The following ECT2 variants were observed in gnomAD, a reference collection of about 807,000 sequenced individuals.
ECT2 encodes the protein protein ECT2.
Under a neutral mutation model 116.9 loss-of-function variants are expected in ECT2, and 61 were observed. The observed-to-expected ratio is 0.52, with a 90% confidence interval of 0.42 to 0.65. ECT2 has a LOEUF of 0.65. ECT2 is among the 30% of genes least tolerant of loss of function. ECT2 has a pLI of 0.00. For synonymous variants in ECT2, 358 were observed against 346.4 expected, an observed-to-expected ratio of 1.03 and a Z score of -0.37; for missense variants, 937 against 1,078.7, an observed-to-expected ratio of 0.87 and a Z score of 1.84.
chr3:172,815,681 A>G lies in ECT2; in HGVS notation c.2478A>G (p.Ala826=). 6.2e-7 allele frequency: 1 copy of G among 1,603,702 alleles called. No individual in the cohort carries two copies. The part of the protein sequence containing the change: ...TKDMDSTLSR[A]SRAIKKTSKK... ...ATATGGACAGTACATTGAGTAGAGC[A>G]TCAAGAGCAATAAAAAAGACTTCAA... is the stretch of plus-strand genomic sequence containing the variant. Residue 826 remains alanine, a synonymous_variant, in exon 23 of 25, where the codon GCA becomes GCG. Coordinates refer to ENST00000392692, the MANE Select transcript of ECT2 (RefSeq NM_001258315.2).
chr3:172,802,336 A>T (rs1285595060), intron 18 of ECT2, among the ~76,000 whole-genome samples: 1 of 151,866 alleles, frequency 6.6e-6, no homozygotes, highest in African/African-American at 2.4e-5. Context: ...CTGGTCTCGA[A>T]CTCCTGACTT....
In ECT2 at chr3:172,783,895, C is replaced by T; in HGVS notation, c.1714C>T (p.His572Tyr). The T allele has an allele frequency of 6.3e-7, 1 of 1,586,082 alleles. No homozygotes were observed. The highest frequency in any genetic ancestry group is 8.6e-7 in the Non-Finnish European group (1 of 1,163,038). Residue 572 changes from histidine to tyrosine, a missense_variant, in exon 16 of 25, where the codon CAT becomes TAT. Coordinates refer to ENST00000392692, the MANE Select transcript of ECT2 (RefSeq NM_001258315.2). The part of the protein sequence containing the change: ...IKCEKQKPRF[H>Y]AFLKINQAKP... ...ATGTGAAAAACAGAAACCAAGATTT[C>T]ATGCTTTTCTCAAGGTAATGTGTGT...
intron 5 of ECT2, among the ~76,000 whole-genome samples, chr3:172,758,095 C>T (rs973053502): frequency 3.3e-5 from 5 of 152,010 alleles, no homozygotes; most frequent in African/African-American, 1.2e-4. Flanking sequence ...CTTGACCTCA[C>T]GTTATCTTCC....
At chr3:172,824,017 C>A (rs1730784046), downstream of ECT2, among the ~76,000 whole-genome samples, 1 of 150,162 alleles carries the variant, frequency 6.7e-6, no homozygotes, top group South Asian at 2.1e-4. Flanking sequence ...CCTTCCGCTG[C>A]TTTTCTTGAA....
At chr3:172,828,315 A>G in the ECT2 span, among the ~76,000 whole-genome samples, 1 of 139,152 alleles carries the variant, frequency 7.2e-6, no homozygotes, top group African/African-American at 3.0e-5. Flanking sequence ...CAAATAAGGC[A>G]AATAAAAATA....
chr3:172,779,990 A>AT (rs1391307770), intron 14 of ECT2, among the ~76,000 whole-genome samples: 2 of 152,072 alleles, frequency 1.3e-5, no homozygotes, highest in Non-Finnish European at 2.9e-5. Context: ...ACTCTAGGAG[A>AT]TTTTCACTAC....
intron 1 of ECT2, among the ~76,000 whole-genome samples, chr3:172,753,172 T>C (rs984620608): frequency 2.0e-5 from 3 of 152,154 alleles, no homozygotes; most frequent in African/African-American, 7.2e-5. Context: ...GGATCACAGC[T>C]CACTACAACC....
At chr3:172,807,403 T>G (rs1173986691) in intron 21 of ECT2, among the ~76,000 whole-genome samples, 1 of 152,172 alleles carries the variant, frequency 6.6e-6, no homozygotes, top group African/African-American at 2.4e-5. Flanking sequence ...AAAATCTTCA[T>G]TTTTGGATTT....
At position 172,817,423 on chromosome 3, in the gene ECT2, G is replaced by A. The variant is rs62281241; in HGVS notation, c.2655+586G>A. On this transcript the variant is annotated intron_variant, in intron 24 of 24. Coordinates refer to ENST00000392692, the MANE Select transcript of ECT2 (RefSeq NM_001258315.2). ...TTCTAAAATCTCTGAGAAAAGAAAC[G>A]CGTTTCAATCTGGCCTGTCACTTTA... is the stretch of plus-strand genomic sequence containing the variant. 4.3e-4 allele frequency among the ~76,000 whole-genome samples: 66 copies of A among 152,082 alleles called. 1 individual carries two copies. Among genetic ancestry groups the A allele is most frequent in the Middle Eastern group, 6.8e-3 (2 of 294 alleles).
Position 172,774,167 on chromosome 3 carries a change from C to G in ECT2, c.1548+145C>G, listed in dbSNP as rs560901571. 9.0e-6 allele frequency: 7 copies of G among 776,192 alleles called. No individual in the cohort carries two copies. The Admixed American group carries it at 2.0e-4, about 23-fold the overall frequency. The allele number at this position is 776,192 out of a possible 1,614,324, so 48.1% of individuals were successfully genotyped here. A position where few individuals can be genotyped will look rare whatever the true frequency, so the allele number is the denominator to read the frequency against. ...ATTAGTTCCTTTGAATCATTTGTCT[C>G]TTTGTTCCAGTGCCTCATAATGTTT... On this transcript the variant is annotated intron_variant, in intron 14 of 24. Transcript: ENST00000392692.
chr3:172,818,836 A>G, intron 24 of ECT2: 2 of 1,150,226 alleles, frequency 1.7e-6, no homozygotes, highest in Non-Finnish European at 2.2e-6. Flanking sequence ...AGCTATTTAA[A>G]ATTTGTATTT....
At chr3:172,809,468 G>A (rs1728362344) in intron 22 of ECT2, among the ~76,000 whole-genome samples, 3 of 151,946 alleles carry the variant, frequency 2.0e-5, no homozygotes, top group African/African-American at 7.3e-5. Context: ...GGTACTCGGT[G>A]ACTTTGGTTG....
chr3:172,824,525 A>G (rs893415473), downstream of ECT2, among the ~76,000 whole-genome samples: 2 of 152,108 alleles, frequency 1.3e-5, no homozygotes, highest in South Asian at 2.1e-4. Context: ...ACCAGGCCCT[A>G]CCTCCAGCAT....
At chr3:172,767,820 C>T (rs1379381046) in intron 12 of ECT2, among the ~76,000 whole-genome samples, 1 of 151,706 alleles carries the variant, frequency 6.6e-6, no homozygotes, top group Non-Finnish European at 1.5e-5. Context: ...CAACCTCCAC[C>T]TCCTGGGTTC....
the ECT2 span, chr3:172,829,189 CT>C: frequency 1.2e-5 from 5 of 421,772 alleles, no homozygotes; most frequent in Admixed American, 1.6e-4. Flanking sequence ...AGTCTCCCAG[CT>C]TTAGCCCTTG....
chr3:172,765,891 G>C (rs1719283453), intron 12 of ECT2, among the ~76,000 whole-genome samples: 1 of 152,046 alleles, frequency 6.6e-6, no homozygotes, highest in African/African-American at 2.4e-5. Flanking sequence ...TCAGGACTTT[G>C]TTACTTTCTC....
chr3:172,752,131 G>GTT (rs1290934283), intron 1 of ECT2: 23 of 139,962 alleles, frequency 1.6e-4, no homozygotes, highest in East Asian at 2.0e-4. Flanking sequence ...TTTTCAAGAA[G>GTT]TTTTTTTTTT....
intron 18 of ECT2, among the ~76,000 whole-genome samples, chr3:172,790,500 T>C (rs1158168257): frequency 6.6e-6 from 1 of 152,232 alleles, no homozygotes; most frequent in African/African-American, 2.4e-5. Context: ...CACTGCAGCC[T>C]GGCACTGAAA....
intron 21 of ECT2, among the ~76,000 whole-genome samples, chr3:172,807,188 T>C (rs1269784282): frequency 6.6e-6 from 1 of 152,212 alleles, no homozygotes; most frequent in African/African-American, 2.4e-5. Flanking sequence ...AGGTTACTTA[T>C]AGTACCTACA....
Sources: allele counts gnomAD v4.1 joint callset (sites outside exome capture counted in the v4.1 genomes callset), GRCh38; gene constraint gnomAD v4.1.1; transcripts MANE v1.5; gene names NCBI Gene and HGNC (gene_info 2026-07-23, HGNC 2026-07-21).